The following CAPN9 variants were observed in gnomAD, a reference collection of about 807,000 sequenced individuals.
CAPN9 encodes calpain-9.
Under a neutral mutation model 92.8 loss-of-function variants are expected in CAPN9, and 81 were observed. The observed-to-expected ratio is 0.87, with a 90% CI of 0.73 to 1.05. CAPN9 has a LOEUF of 1.05. Among genes scored for constraint, CAPN9 ranks in the 50% least tolerant of loss-of-function variants. The pLI, the probability that CAPN9 is intolerant of heterozygous loss-of-function variation, is 0.00. For missense variants in CAPN9, 848 were observed against 866.2 expected (o/e 0.98, Z 0.26); for synonymous variants, 304 against 328.0 (o/e 0.93, Z 0.79).
At position 230,792,927 on chromosome 1, in the gene CAPN9, A is replaced by G. The variant is rs372881722; in HGVS notation, c.1869A>G (p.Ala623=). The change falls in exon 17 of 20, where the codon GCA becomes GCG. Residue 623 remains alanine, a splice_region_variant and synonymous_variant. Transcript: ENST00000271971. ...AACTACGGACTGCACTGAAAGCTGC[A>G]GGTAAAGAAAAGACTGGAGTACAGG... ...TYELRTALKA[A]GFQLSSHLLQ... is the part of the protein sequence containing the mutation. 2 of 1,612,068 alleles carry G rather than the reference A, an allele frequency of 1.2e-6. No individual in the cohort carries two copies. Among genetic ancestry groups the G allele is most frequent in the Non-Finnish European group, 1.7e-6 (2 of 1,178,320 alleles).
intron 11 of CAPN9, among the ~76,000 whole-genome samples, chr1:230,785,292 G>A (rs1667507890): frequency 6.6e-6 from 1 of 152,150 alleles, no homozygotes; most frequent in Admixed American, 6.5e-5. Flanking sequence ...AGACTTTGGG[G>A]GTTATTGGGA....
intron 11 of CAPN9, among the ~76,000 whole-genome samples, chr1:230,784,139 A>T (rs909042507): frequency 6.6e-6 from 1 of 152,224 alleles, no homozygotes; most frequent in Non-Finnish European, 1.5e-5. Flanking sequence ...ACCTATACTC[A>T]GATATGGGAG....
rs201557939 is a variant in CAPN9 at position 230,787,639 on chromosome 1, G to A, written c.1599+37G>A. The A allele has an allele frequency of 4.6e-5, 72 of 1,556,930 alleles. No individual in the cohort carries two copies. In the African/African-American group the frequency reaches 7.7e-4, roughly 17 times the overall value. On this transcript the variant is annotated intron_variant, in intron 13 of 19. Coordinates refer to ENST00000271971, the MANE Select transcript of CAPN9 (RefSeq NM_006615.3). ...CCCACTTCCATCTCCCCACCAGGCTGAGGGCCTGGACCTGCTTCCTAGCAA... is the reference window on the plus strand; with the variant it reads ...CCCACTTCCATCTCCCCACCAGGCTAAGGGCCTGGACCTGCTTCCTAGCAA...
Position 230,779,021 on chromosome 1 carries a change from C to T in CAPN9, c.1002C>T (p.Cys334=), listed in dbSNP as rs758734708. The T allele has an allele frequency of 1.2e-6, 2 of 1,613,226 alleles. No homozygotes were observed. Among genetic ancestry groups the T allele is most frequent in the Non-Finnish European group, 1.7e-6 (2 of 1,179,672 alleles). ...CCCACTTTGATAAAGTGGAGATCTG[C>T]AACCTCACTCCCGATGCCCTGGAGG... The part of the protein sequence containing the change: ...FKAHFDKVEI[C]NLTPDALEED... The change falls in exon 9 of 20, where the codon TGC becomes TGT. Residue 334 remains cysteine (C), a synonymous_variant. Transcript: ENST00000271971.
At chr1:230,773,847 C>A (rs1253808250) in intron 7 of CAPN9, among the ~76,000 whole-genome samples, 1 of 152,152 alleles carries the variant, frequency 6.6e-6, no homozygotes, top group Non-Finnish European at 1.5e-5. Context: ...GCTGTAGCAC[C>A]GCAACAGTGG....
chr1:230,766,394 G>A (rs1349519662), intron 4 of CAPN9, among the ~76,000 whole-genome samples: 2 of 152,206 alleles, frequency 1.3e-5, no homozygotes, highest in Non-Finnish European at 2.9e-5. Flanking sequence ...TCAAATCAGG[G>A]TAATTGAGAT....
rs779725253 is a variant in CAPN9, at chr1:230,774,598, T to C, written c.920T>C (p.Leu307Pro). The change falls in exon 8 of 20, where the codon CTG becomes CCG. Residue 307 changes from leucine to proline, a missense_variant. Leu to Pro is a moderately conservative substitution (Grantham distance 98). Transcript: ENST00000271971. ...RSVGPAEQKR[L>P]CHTALDDGEF... ...GTTGGTCCAGCTGAGCAGAAGCGTC[T>C]GTGTCACACTGCTCTGGATGATGGG... is the stretch of plus-strand genomic sequence containing the variant. 1.2e-6 allele frequency: 2 copies of C among 1,614,078 alleles called. No homozygotes were observed. Among genetic ancestry groups the C allele is most frequent in the East Asian group, 4.5e-5 (2 of 44,886 alleles).
At chr1:230,750,780 G>A (rs1248340086) in intron 1 of CAPN9, among the ~76,000 whole-genome samples, 1 of 152,064 alleles carries the variant, frequency 6.6e-6, no homozygotes, top group East Asian at 1.9e-4. Flanking sequence ...GCAGTGGACA[G>A]CCAGGCTTGC....
chr1:230,774,325 G>A (rs1276192869), intron 7 of CAPN9, among the ~76,000 whole-genome samples: 2 of 152,180 alleles, frequency 1.3e-5, no homozygotes, highest in Non-Finnish European at 2.9e-5. Flanking sequence ...ATCCTCAGGG[G>A]TATTTTATCC....
chr1:230,786,297 C>T (rs1667577364), intron 12 of CAPN9: 5 of 301,142 alleles, frequency 1.7e-5, no homozygotes, highest in Non-Finnish European at 2.4e-5. Flanking sequence ...AAATAACAAA[C>T]ACAGAGACAC....
In CAPN9 at chr1:230,787,532, C is replaced by T. The variant is rs976804002; in HGVS notation, c.1529C>T (p.Pro510Leu). The change falls in exon 13 of 20, where the codon CCA becomes CTA. Residue 510 changes from proline to leucine, a missense_variant. Coordinates refer to ENST00000271971, the MANE Select transcript of CAPN9 (RefSeq NM_006615.3). Reference protein sequence around the residue: ...VDIDLPEPPKPTPPDQETEEE... With the variant: ...VDIDLPEPPKLTPPDQETEEE... ...TTGGCTGTTTTTTAGCCTCCAAAGC[C>T]AACTCCACCTGACCAGGAGACAGAG... The T allele has an allele frequency of 1.9e-6, 3 of 1,613,918 alleles. No individual in the cohort carries two copies. The highest frequency in any genetic ancestry group is 2.5e-6 in the Non-Finnish European group (3 of 1,179,928).
At chr1:230,794,886 A>T (rs139396425) in intron 17 of CAPN9, among the ~76,000 whole-genome samples, 1 of 152,278 alleles carries the variant, frequency 6.6e-6, no homozygotes, top group Non-Finnish European at 1.5e-5. Flanking sequence ...CAAAATTAAG[A>T]TCACAAACTC....
rs1170016760 is a variant in CAPN9, at chr1:230,792,430, G to C, written c.1727G>C (p.Ser576Thr). 6.2e-7 allele frequency: 1 copy of C among 1,613,876 alleles called. No homozygotes were observed. The highest frequency in any genetic ancestry group is 1.3e-5 in the African/African-American group (1 of 74,942). ...CCCTTAACCCACATGGCACAGACCA[G>C]CGGCAATGGGAAGCTGGAGTTTGAT... ...CKNIISLMDT[S>T]GNGKLEFDEF... Residue 576 changes from serine (S) to threonine (T), a missense_variant, in exon 16 of 20, where the codon AGC (serine) becomes ACC (threonine). By Grantham distance (58) the Ser-to-Thr change is moderately conservative. Coordinates refer to ENST00000271971, the MANE Select transcript of CAPN9 (RefSeq NM_006615.3).
chr1:230,751,609 G>GAAAGAAAGAA (rs1443186653), intron 1 of CAPN9, among the ~76,000 whole-genome samples: 1 of 31,862 alleles, frequency 3.1e-5, no homozygotes, highest in Non-Finnish European at 6.8e-5. Flanking sequence ...AAGAAAGAAA[G>GAAAGAAAGAA]AGAAAGAAAG....
chr1:230,783,120 A>G (rs1372782150), intron 11 of CAPN9, among the ~76,000 whole-genome samples: 1 of 152,240 alleles, frequency 6.6e-6, no homozygotes, highest in Non-Finnish European at 1.5e-5. Context: ...TCTCCAACAG[A>G]TATGTATCTC....
rs1665503337 is a variant in CAPN9, at chr1:230,759,652, G to A, written c.402+22G>A. 2.6e-6 allele frequency: 4 copies of A among 1,541,428 alleles called. No individual in the cohort carries two copies. In the African/African-American group the frequency reaches 4.1e-5, roughly 16 times the overall value. On this transcript the variant is annotated intron_variant, in intron 3 of 19. Coordinates refer to ENST00000271971, the MANE Select transcript of CAPN9 (RefSeq NM_006615.3). ...CCAGGTAAGAGGGAGCCCTGGGCCA[G>A]TGGGTTTACCTCTCTGGGGCCCGGC...
intron 4 of CAPN9, among the ~76,000 whole-genome samples, chr1:230,763,747 A>G (rs543080203): frequency 2.6e-5 from 4 of 152,372 alleles, no homozygotes; most frequent in Non-Finnish European, 5.9e-5. Flanking sequence ...GGGGAGGCAT[A>G]CTGTGGTTAA....
At position 230,780,530 on chromosome 1, in the gene CAPN9, G is replaced by T; in HGVS notation, c.1303G>T (p.Asp435Tyr). The T allele has an allele frequency of 6.2e-7, 1 of 1,614,080 alleles. No individual in the cohort carries two copies. Among genetic ancestry groups the T allele is most frequent in the Non-Finnish European group, 8.5e-7 (1 of 1,180,014 alleles). ...CPDKDEHLNK[D>Y]FFRYHASRAR... Reference sequence around the variant, plus strand: ...TGACAAAGACGAACACCTGAACAAAGACTTCTTCAGATACCACGCTTCTCG... The same window carrying T: ...TGACAAAGACGAACACCTGAACAAATACTTCTTCAGATACCACGCTTCTCG... The change falls in exon 11 of 20, where the codon GAC (aspartate) becomes TAC (tyrosine). Residue 435 changes from aspartate to tyrosine, a missense_variant. Transcript: ENST00000271971.
chr1:230,799,663 C>T (rs752323299), intron 19 of CAPN9, among the ~76,000 whole-genome samples: 2 of 152,202 alleles, frequency 1.3e-5, no homozygotes, highest in Non-Finnish European at 2.9e-5. Flanking sequence ...ATGTAGGACA[C>T]ATGTAATAAC....
Sources: allele counts gnomAD v4.1 joint callset (sites outside exome capture counted in the v4.1 genomes callset), GRCh38; gene constraint gnomAD v4.1.1; transcripts MANE v1.5; gene names NCBI Gene and HGNC (gene_info 2026-07-23, HGNC 2026-07-21).